LYST: variants seen among roughly 807,000 people sequenced by gnomAD.
LYST encodes lysosomal trafficking regulator.
In LYST, 192 loss-of-function variants were observed where a neutral mutation model predicts 413.6. The observed-to-expected ratio is 0.46, with a 90% CI of 0.41 to 0.52. The LOEUF (loss-of-function observed/expected upper bound fraction) is 0.52. Ranked by LOEUF, LYST falls within the 20% of genes least tolerant of loss-of-function variation. The pLI is 0.00. For missense variants in LYST, 3,815 were observed against 4,499.9 expected (o/e 0.85, Z 4.35); for synonymous variants, 1,525 against 1,567.3 (o/e 0.97, Z 0.64).
At chr1:235,813,134 A>G (rs1252216745) in intron 3 of LYST, 73 bp from the exon 4 acceptor site, 6 of 863,904 alleles carry the variant, frequency 6.9e-6, no homozygotes, top group Non-Finnish European at 1.2e-5. Flanking sequence ...TCTTGTCTTA[A>G]ACTGAACCAA....
In LYST at chr1:235,774,905, A is replaced by C; in HGVS notation, c.5634+8T>G. 6.3e-7 allele frequency: 1 copy of C among 1,583,280 alleles called. No homozygotes were observed. Among genetic ancestry groups the C allele is most frequent in the South Asian group, 1.1e-5 (1 of 90,272 alleles). Reference sequence around the variant, plus strand: ...GAAACTATAAGAATAAATTTTATGAAGACATACCTTCAAAATGTAAAACCC... The same window carrying C: ...GAAACTATAAGAATAAATTTTATGACGACATACCTTCAAAATGTAAAACCC... On this transcript the variant is annotated splice_region_variant and intron_variant, in intron 18 of 52. Transcript: ENST00000389793.
At chr1:235,711,869 G>C (rs944793804) in intron 43 of LYST, among the ~76,000 whole-genome samples, 188 bp downstream of exon 43, 1 of 151,774 alleles carries the variant, frequency 6.6e-6, no homozygotes, top group Non-Finnish European at 1.5e-5. Flanking sequence ...AACATATTTA[G>C]TCCTATAAAA....
intron 19 of LYST, 127 bp downstream of exon 19, chr1:235,773,715 G>A: frequency 1.3e-6 from 1 of 751,068 alleles, no homozygotes. Flanking sequence ...TGGTGGTGAT[G>A]GTTGGACAAC....
chr1:235,827,556 T>C (rs886831011), intron 3 of LYST: 3 of 978,342 alleles, frequency 3.1e-6, no homozygotes, highest in Non-Finnish European at 3.6e-6. Flanking sequence ...TAAAATATCA[T>C]TCAATTAATT....
At chr1:235,794,535 A>G (rs1051272974) in intron 10 of LYST, among the ~76,000 whole-genome samples, 4 of 152,198 alleles carry the variant, frequency 2.6e-5, no homozygotes, top group African/African-American at 9.6e-5. Context: ...CTCACCAAAA[A>G]CAAAAAACCC....
chr1:235,692,295 T>C (rs1316334908), intron 47 of LYST, among the ~76,000 whole-genome samples: 1 of 150,086 alleles, frequency 6.7e-6, no homozygotes, highest in Non-Finnish European at 1.5e-5. Flanking sequence ...ATCACACCAC[T>C]GTACTCCAGC....
chr1:235,849,724 C>T (rs1330367574), intron 1 of LYST, among the ~76,000 whole-genome samples: 4 of 143,352 alleles, frequency 2.8e-5, no homozygotes, highest in Non-Finnish European at 6.0e-5. Context: ...ACACCAACAG[C>T]GACCAAGTGG....
chr1:235,828,340 A>G (rs1446021475), intron 3 of LYST: 1 of 172,072 alleles, frequency 5.8e-6, no homozygotes, highest in Non-Finnish European at 1.2e-5. Flanking sequence ...ATATTCCAAA[A>G]TTAACTGTGG....
At chr1:235,736,050 A>G (rs1249945321) in intron 31 of LYST, 1 of 152,148 alleles carries the variant, frequency 6.6e-6, no homozygotes, top group Non-Finnish European at 1.5e-5. Context: ...ACTATCAGAA[A>G]TGTTTTTATT....
intron 36 of LYST, among the ~76,000 whole-genome samples, chr1:235,730,004 CTATT>C (rs1349772671): frequency 1.3e-5 from 2 of 151,572 alleles, no homozygotes; most frequent in South Asian, 2.1e-4. Context: ...TGTGTGTGCT[CTATT>C]TATTTTTGTA....
chr1:235,806,781 G>GA lies in LYST; in HGVS notation c.2364-10dup, dbSNP rs781369453. ...ACAAATCTCTTATTACCCTGTGAAA[G>GA]AAAAAAAGCATGTAAAAAGGTTTAA... On this transcript the variant is annotated splice_polypyrimidine_tract_variant and intron_variant, in intron 5 of 52. Coordinates refer to ENST00000389793, the MANE Select transcript of LYST (RefSeq NM_000081.4). 18 of 1,582,966 alleles carry GA rather than the reference G, an allele frequency of 1.1e-5. No individual in the cohort carries two copies. The African/African-American group carries it at 2.2e-4, about 19-fold the overall frequency.
chr1:235,778,015 T>C (rs1472001656), intron 16 of LYST, among the ~76,000 whole-genome samples: 2 of 149,510 alleles, frequency 1.3e-5, no homozygotes, highest in Non-Finnish European at 3.0e-5. Flanking sequence ...CTTGAACTCC[T>C]AGGCTCAAGG....
At chr1:235,765,980 G>T in intron 21 of LYST, 99 bp downstream of exon 21, 1 of 920,800 alleles carries the variant, frequency 1.1e-6, no homozygotes, top group Non-Finnish European at 1.8e-6. Context: ...AATTAGAGCA[G>T]CACAGAGGCC....
intron 12 of LYST, among the ~76,000 whole-genome samples, chr1:235,790,903 T>G (rs1471521743): frequency 6.6e-6 from 1 of 152,066 alleles, no homozygotes; most frequent in Non-Finnish European, 1.5e-5. Context: ...AGGTAAGACA[T>G]GGCATGAGAA....
intron 44 of LYST, among the ~76,000 whole-genome samples, chr1:235,706,995 T>G (rs1662044146): frequency 6.6e-6 from 1 of 152,202 alleles, no homozygotes; most frequent in African/African-American, 2.4e-5. Context: ...TTATAAACGC[T>G]TGTAGATTTG....
At position 235,766,289 on chromosome 1, in the gene LYST, A is replaced by C; in HGVS notation, c.5923-12T>G. On this transcript the variant is annotated splice_polypyrimidine_tract_variant and intron_variant, in intron 20 of 52. Transcript: ENST00000389793. ...CCCTCTTTGTATTCCTGAAAAAATA[A>C]AAAAAACTCTCTTTAGATTTAAAGA... 3 of 1,578,234 alleles carry C rather than the reference A, an allele frequency of 1.9e-6. No individual in the cohort carries two copies. Among genetic ancestry groups the C allele is most frequent in the Non-Finnish European group, 1.7e-6 (2 of 1,159,606 alleles).
rs6668388 is a variant in LYST, at chr1:235,770,604, C to T, written c.5785-307G>A. The stretch of plus-strand genomic sequence containing the variant: ...AGGGATTATTCAAATTAGAGAAGCA[C>T]ACACATTACCAACATTATTGTTTTT... On this transcript the variant is annotated intron_variant, in intron 19 of 52. Coordinates refer to ENST00000389793, the MANE Select transcript of LYST (RefSeq NM_000081.4). Among the ~76,000 whole-genome samples, 75,931 of 152,006 alleles carry T rather than the reference C, an allele frequency of 0.5. 22,416 individuals are homozygous for T. The highest frequency in any genetic ancestry group is 0.82 in the African/African-American group (34,104 of 41,500).
chr1:235,716,655 C>A (rs1207133831), intron 41 of LYST, 57 bp downstream of exon 41: 2 of 1,110,894 alleles, frequency 1.8e-6, no homozygotes, highest in African/African-American at 3.1e-5. Flanking sequence ...AAACACAAGT[C>A]TGTAAAACAA....
In LYST at chr1:235,806,463, T is replaced by C. The variant is rs1446449850; in HGVS notation, c.2673A>G (p.Gln891=). 9 of 1,614,118 alleles carry C rather than the reference T, an allele frequency of 5.6e-6. No individual in the cohort carries two copies. The highest frequency in any genetic ancestry group is 7.6e-6 in the Non-Finnish European group (9 of 1,179,990). ...AYPKRRKTVN[Q]DVHINTINLF... ...GGTTTATTGTGTTGATATGAACATC[T>C]TGGTTAACAGTCTTCCGTCTCTTTG... Residue 891 remains glutamine, a synonymous_variant, in exon 6 of 53, where the codon CAA becomes CAG. Coordinates refer to ENST00000389793, the MANE Select transcript of LYST (RefSeq NM_000081.4).
Sources: gnomAD v4.1 joint callset for allele counts (sites outside exome capture counted in the v4.1 genomes callset) on GRCh38, gnomAD v4.1.1 for gene constraint, MANE v1.5 for transcripts, NCBI Gene and HGNC (gene_info 2026-07-23, HGNC 2026-07-21) for gene names.